PDE4D: variants seen among roughly 807,000 people sequenced by gnomAD.
The protein encoded by PDE4D is phosphodiesterase 4D.
In PDE4D, 24 loss-of-function variants were observed where a neutral mutation model predicts 87.4. The ratio of observed to expected loss-of-function variants is 0.27; its 90% confidence interval spans 0.20 to 0.39. The LOEUF (loss-of-function observed/expected upper bound fraction) is 0.39, where lower values mean the gene tolerates loss of function less well. Among genes scored for constraint, PDE4D ranks in the 10% least tolerant of loss-of-function variants. PDE4D has a pLI of 1.00. For missense variants in PDE4D, 714 were observed against 1,041.0 expected (o/e 0.69, Z 4.32); for synonymous variants, 384 against 383.2 (o/e 1.00, Z -0.02).
intron 2 of PDE4D, among the ~76,000 whole-genome samples, chr5:60,142,571 C>A (rs945656925): frequency 5.9e-5 from 9 of 152,212 alleles, no homozygotes; most frequent in South Asian, 2.1e-4. Flanking sequence ...GCAGAAACAC[C>A]AGCATGAGCC....
chr5:60,377,662 A>G (rs985653106), intron 1 of PDE4D, among the ~76,000 whole-genome samples: 4 of 152,204 alleles, frequency 2.6e-5, no homozygotes, highest in African/African-American at 9.6e-5. Flanking sequence ...GAATGATCCC[A>G]GAGGTAACTG....
chr5:59,335,519 A>G (rs900710977), intron 1 of PDE4D, among the ~76,000 whole-genome samples: 11 of 152,208 alleles, frequency 7.2e-5, no homozygotes, highest in African/African-American at 2.4e-4. Context: ...AGTCACTGCA[A>G]TGGATTTGAA....
intron 1 of PDE4D, among the ~76,000 whole-genome samples, chr5:60,261,590 CTGATGGTCTT>C (rs1749649902): frequency 6.6e-6 from 1 of 152,058 alleles, no homozygotes; most frequent in South Asian, 2.1e-4. Flanking sequence ...TTAATTAGCA[CTGATGGTCTT>C]TGATTACTTT....
At position 59,438,588 on chromosome 5, in the gene PDE4D, AATAGTG is replaced by A. The variant is rs537069381; in HGVS notation, c.456-222626_456-222621del. Among the ~76,000 whole-genome samples the A allele has an allele frequency of 1.3e-4, 20 of 152,336 alleles. No homozygotes were observed. The East Asian group carries it at 3.9e-3, about 29-fold the overall frequency. On this transcript the variant is annotated intron_variant, in intron 1 of 14. Coordinates refer to ENST00000340635, the MANE Select transcript of PDE4D (RefSeq NM_001104631.2). ...AGCTATTGCCCTGGAATGATGATTA[AATAGTG>A]CCTCCTTTTACTTTTGCAATATTAT...
intron 1 of PDE4D, among the ~76,000 whole-genome samples, chr5:59,400,540 A>T (rs1790393573): frequency 7.9e-6 from 1 of 126,704 alleles, no homozygotes; most frequent in African/African-American, 2.9e-5. Context: ...CAATGAGATC[A>T]CATGGACACA....
At chr5:59,368,110 A>G (rs1373817600) in intron 1 of PDE4D, among the ~76,000 whole-genome samples, 1 of 152,226 alleles carries the variant, frequency 6.6e-6, no homozygotes, top group Admixed American at 6.5e-5. Context: ...GGATGCATGT[A>G]TGGGTATGAG....
At chr5:60,444,073 T>C (rs893761858) in intron 1 of PDE4D, among the ~76,000 whole-genome samples, 1 of 151,936 alleles carries the variant, frequency 6.6e-6, no homozygotes, top group African/African-American at 2.4e-5. Context: ...AGGTCCTCCA[T>C]GTTATAAACA....
At chr5:60,139,929 G>A (rs6449457) in intron 2 of PDE4D, among the ~76,000 whole-genome samples, 107,406 of 151,870 alleles carry the variant, frequency 0.71, 38,711 homozygotes, top group African/African-American at 0.79. Context: ...TCAATGCTAA[G>A]TATCTATTAG....
intron 1 of PDE4D, among the ~76,000 whole-genome samples, chr5:59,727,400 G>C (rs921220012): frequency 3.9e-5 from 6 of 152,058 alleles, no homozygotes; most frequent in Admixed American, 3.3e-4. Context: ...AAATGTGTGG[G>C]CTGGTTTATC....
At chr5:60,044,520 C>T (rs969353316) in intron 2 of PDE4D, among the ~76,000 whole-genome samples, 1 of 152,066 alleles carries the variant, frequency 6.6e-6, no homozygotes, top group African/African-American at 2.4e-5. Flanking sequence ...CCCCCTACCC[C>T]CACCCCACAA....
chr5:59,127,777 C>G (rs1202161162), intron 5 of PDE4D, among the ~76,000 whole-genome samples: 1 of 151,980 alleles, frequency 6.6e-6, no homozygotes. Context: ...GAAACCAGTC[C>G]TCAGAGGCTC....
chr5:59,556,651 A>T (rs1342850946), intron 1 of PDE4D, among the ~76,000 whole-genome samples: 2 of 152,146 alleles, frequency 1.3e-5, no homozygotes, highest in Non-Finnish European at 2.9e-5. Flanking sequence ...TTTCCTGCTA[A>T]GTTTGGCCAC....
At chr5:59,358,267 G>A (rs1366904825) in intron 1 of PDE4D, among the ~76,000 whole-genome samples, 1 of 152,126 alleles carries the variant, frequency 6.6e-6, no homozygotes, top group Admixed American at 6.5e-5. Context: ...AAAGAAAGTG[G>A]GTGAGTGAGA....
intron 1 of PDE4D, among the ~76,000 whole-genome samples, chr5:59,774,689 C>CTTTTTTTTTTT (rs71604800): frequency 7.6e-6 from 1 of 132,408 alleles, no homozygotes; most frequent in African/African-American, 2.8e-5. Context: ...TTTCTTTTTT[C>CTTTTTTTTTTT]TTTTTTTTTT....
intron 5 of PDE4D, among the ~76,000 whole-genome samples, chr5:59,049,548 T>A (rs183753236): frequency 6.6e-6 from 1 of 152,346 alleles, no homozygotes; most frequent in South Asian, 2.1e-4. Flanking sequence ...ATATCATTCA[T>A]ATGTAATGAT....
chr5:59,276,069 C>T, intron 1 of PDE4D: 6 of 976,550 alleles, frequency 6.1e-6, no homozygotes, highest in Non-Finnish European at 7.2e-6. Flanking sequence ...TCCTCAAGGG[C>T]TGTATGACGT....
intron 1 of PDE4D, among the ~76,000 whole-genome samples, chr5:59,229,221 C>A (rs566516035): frequency 6.6e-6 from 1 of 152,234 alleles, no homozygotes; most frequent in East Asian, 1.9e-4. Flanking sequence ...ACGAGTTGCT[C>A]AATAAATATT....
chr5:59,607,438 G>A (rs540177275), intron 1 of PDE4D, among the ~76,000 whole-genome samples: 48 of 152,048 alleles, frequency 3.2e-4, no homozygotes, highest in Non-Finnish European at 6.2e-4. Context: ...AGTTCTGTAC[G>A]TTTTAGAGAA....
intron 1 of PDE4D, among the ~76,000 whole-genome samples, chr5:59,887,051 G>A (rs570898806): frequency 6.6e-6 from 1 of 152,210 alleles, no homozygotes; most frequent in African/African-American, 2.4e-5. Flanking sequence ...AAACACAAGA[G>A]TTATTTCTGA....
Sources: allele counts gnomAD v4.1 joint callset (sites outside exome capture counted in the v4.1 genomes callset), GRCh38; gene constraint gnomAD v4.1.1; transcripts MANE v1.5; gene names NCBI Gene and HGNC (gene_info 2026-07-23, HGNC 2026-07-21).